The following TRHDE variants were observed in gnomAD, a reference collection of about 807,000 sequenced individuals.
The protein encoded by TRHDE is thyrotropin-releasing hormone-degrading ectoenzyme.
In TRHDE, 72 loss-of-function variants were observed where a neutral mutation model predicts 125.7. That is an observed-to-expected ratio of 0.57 (90% confidence interval 0.47 to 0.70). The LOEUF is 0.70. Among genes scored for constraint, TRHDE ranks in the 30% least tolerant of loss-of-function variants. The pLI, the probability that TRHDE is intolerant of heterozygous loss-of-function variation, is 0.00. For synonymous variants in TRHDE, 509 were observed against 509.1 expected (o/e 1.00, Z 0.00); for missense variants, 1,110 against 1,327.1 (o/e 0.84, Z 2.54).
At chr12:72,637,633 G>A (rs1237934231) in intron 15 of TRHDE, among the ~76,000 whole-genome samples, 1 of 151,848 alleles carries the variant, frequency 6.6e-6, no homozygotes, top group African/African-American at 2.4e-5. Context: ...TTTCTCTTGT[G>A]GGCATGTAGT....
intron 2 of TRHDE, among the ~76,000 whole-genome samples, chr12:72,160,655 C>T (rs1375616342): frequency 1.3e-5 from 2 of 152,124 alleles, no homozygotes; most frequent in Non-Finnish European, 2.9e-5. Flanking sequence ...CGCCACTGCA[C>T]TCCAGCCTGG....
At chr12:72,138,665 A>C (rs989122395) in intron 2 of TRHDE, among the ~76,000 whole-genome samples, 10 of 152,272 alleles carry the variant, frequency 6.6e-5, no homozygotes, top group African/African-American at 2.4e-4. Flanking sequence ...ATTGTGTGCA[A>C]GGTGAGGTCA....
intron 2 of TRHDE, among the ~76,000 whole-genome samples, chr12:72,297,761 T>A (rs1008405177): frequency 6.6e-6 from 1 of 152,188 alleles, no homozygotes; most frequent in African/African-American, 2.4e-5. Flanking sequence ...TGAGAGCAGA[T>A]CTGCTTAAGG....
rs189085197 is a variant in TRHDE, at chr12:72,247,720, G to T, written n.280-130275G>T. On this transcript the variant is annotated intron_variant and non_coding_transcript_variant, in intron 2 of 4. Transcript: ENST00000548156. ...ATATAATACAATTATCACAATATTG[G>T]GCCATAATGTGTAGATTAGGGTTAT... is the stretch of plus-strand genomic sequence containing the variant. Among the ~76,000 whole-genome samples the T allele has an allele frequency of 1.2e-4, 19 of 152,216 alleles. No homozygotes were observed. The East Asian group carries it at 3.7e-3, about 29-fold the overall frequency.
In TRHDE at chr12:72,273,128, C is replaced by T. The variant is rs768838725; in HGVS notation, c.485C>T (p.Pro162Leu). 3.2e-6 allele frequency: 5 copies of T among 1,545,392 alleles called. No individual in the cohort carries two copies. Among genetic ancestry groups the T allele is most frequent in the Non-Finnish European group, 3.5e-6 (4 of 1,146,014 alleles). Residue 162 changes from proline (P) to leucine (L), a missense_variant, in exon 1 of 19, where the codon CCG becomes CTG. Physicochemically the swap from Pro to Leu is moderately conservative, Grantham distance 98 (BLOSUM62 -3). Transcript: ENST00000261180. The surrounding 1 kb of genome is among the most constrained non-coding windows in gnomAD (Gnocchi z 5.3). ...WQPEAGGVAS[P>L]GTTSAQPPSE... ...CCCGAGGCGGGTGGGGTGGCCAGTC[C>T]GGGGACCACGTCGGCCCAGCCGCCG...
At chr12:72,380,857 C>CTCT (rs1872138843) in intron 3 of TRHDE, among the ~76,000 whole-genome samples, 15 of 147,498 alleles carry the variant, frequency 1.0e-4, no homozygotes, top group African/African-American at 3.8e-4. Context: ...TTCTCTCTCT[C>CTCT]TCTTTCTCTC....
At chr12:72,147,199 T>A (rs1876249509) in intron 2 of TRHDE, among the ~76,000 whole-genome samples, 1 of 151,948 alleles carries the variant, frequency 6.6e-6, no homozygotes, top group Non-Finnish European at 1.5e-5. Flanking sequence ...GGGCTGCGAG[T>A]ATTCATGCTT....
At position 72,115,849 on chromosome 12, in the gene TRHDE, A is replaced by T. The variant is rs531215249; in HGVS notation, n.279+10097A>T. On this transcript the variant is annotated intron_variant and non_coding_transcript_variant, in intron 2 of 4. Coordinates refer to the TRHDE transcript ENST00000548156. ...TGTTTGCCATTTATATGTCTTTTTT[A>T]AAAAAATTTTACTTCAAGTTCTAGG... is the stretch of plus-strand genomic sequence containing the variant. 1.2e-3 allele frequency among the ~76,000 whole-genome samples: 185 copies of T among 152,188 alleles called. 1 individual carries two copies. The highest frequency in any genetic ancestry group is 4.0e-3 in the African/African-American group (165 of 41,532).
intron 6 of TRHDE, among the ~76,000 whole-genome samples, chr12:72,530,608 G>T (rs1216272651): frequency 6.9e-6 from 1 of 143,930 alleles, no homozygotes; most frequent in Non-Finnish European, 1.5e-5. Flanking sequence ...GGGACTTCTA[G>T]CCCTACTTTC....
intron 2 of TRHDE, among the ~76,000 whole-genome samples, chr12:72,127,222 A>AAT (rs1232889017): frequency 6.6e-6 from 1 of 152,218 alleles, no homozygotes; most frequent in Non-Finnish European, 1.5e-5. Flanking sequence ...GAGAAAAGAG[A>AAT]ATGCTTATAC....
intron 2 of TRHDE, among the ~76,000 whole-genome samples, chr12:72,192,633 G>A (rs1200280393): frequency 2.0e-5 from 3 of 152,068 alleles, no homozygotes; most frequent in Admixed American, 6.6e-5. Flanking sequence ...ACCTGGATTT[G>A]AAGCCTGGAT....
intron 2 of TRHDE, among the ~76,000 whole-genome samples, chr12:72,173,898 AAT>A (rs1377761743): frequency 6.6e-6 from 1 of 152,186 alleles, no homozygotes; most frequent in Non-Finnish European, 1.5e-5. Flanking sequence ...GGACATTCTT[AAT>A]TATAGTATGA....
chr12:72,663,033 T>A lies in TRHDE; in HGVS notation c.3067-19T>A. On this transcript the variant is annotated intron_variant, in intron 18 of 18. Coordinates refer to ENST00000261180, the MANE Select transcript of TRHDE (RefSeq NM_013381.3). ...TTTTAAGACAGGCAGATTTACCATT[T>A]AAAAATTTCTCTTTCCAGCTCAAGA... 1 of 1,595,104 alleles carries A rather than the reference T, an allele frequency of 6.3e-7. No individual in the cohort carries two copies. The highest frequency in any genetic ancestry group is 8.5e-7 in the Non-Finnish European group (1 of 1,170,716).
intron 6 of TRHDE, among the ~76,000 whole-genome samples, chr12:72,512,816 A>G (rs1313815703): frequency 6.6e-6 from 1 of 151,468 alleles, no homozygotes. Flanking sequence ...CAGGAAGGAA[A>G]AGGAGACTAG....
intron 6 of TRHDE, among the ~76,000 whole-genome samples, chr12:72,520,297 CGTGGGCGTA>C (rs1879122910): frequency 6.6e-6 from 1 of 152,192 alleles, no homozygotes; most frequent in Admixed American, 6.5e-5. Context: ...AGCGAGACTC[CGTGGGCGTA>C]AGACCCTCCG....
intron 2 of TRHDE, among the ~76,000 whole-genome samples, chr12:72,145,093 T>G (rs2139316887): frequency 6.6e-6 from 1 of 152,232 alleles, no homozygotes; most frequent in African/African-American, 2.4e-5. Context: ...CACCCTAGCT[T>G]GGGAGCTGGG....
At chr12:72,302,783 G>A (rs762908109) in intron 2 of TRHDE, among the ~76,000 whole-genome samples, 22 of 152,284 alleles carry the variant, frequency 1.4e-4, no homozygotes, top group Non-Finnish European at 2.2e-4. Context: ...TCTAACCACA[G>A]ATCTGCTGAG....
At chr12:72,277,877 T>C (rs4760827) in intron 1 of TRHDE, among the ~76,000 whole-genome samples, 102,540 of 151,882 alleles carry the variant, frequency 0.68, 34,788 homozygotes, top group East Asian at 0.83. Context: ...TGTTTTGAAG[T>C]ATGCATACAT....
intron 2 of TRHDE, among the ~76,000 whole-genome samples, chr12:72,307,947 C>T (rs996898565): frequency 3.9e-5 from 6 of 152,138 alleles, no homozygotes; most frequent in African/African-American, 9.7e-5. Context: ...AAATCAGATA[C>T]CTTATGGTTA....
Sources: allele counts gnomAD v4.1 joint callset (sites outside exome capture counted in the v4.1 genomes callset), GRCh38; gene constraint gnomAD v4.1.1; non-coding constraint Gnocchi (gnomAD v3.1); transcripts MANE v1.5; gene names NCBI Gene and HGNC (gene_info 2026-07-23, HGNC 2026-07-21).